The following SLC25A21 variants were observed in gnomAD, a reference collection of about 807,000 sequenced individuals.
The protein encoded by SLC25A21 is mitochondrial 2-oxodicarboxylate carrier.
In SLC25A21, 47 loss-of-function variants were observed where a neutral mutation model predicts 43.8. That is an observed-to-expected ratio of 1.07 (90% confidence interval 0.85 to 1.37). The LOEUF (loss-of-function observed/expected upper bound fraction) is 1.37, where lower values mean the gene tolerates loss of function less well. Among genes scored for constraint, SLC25A21 ranks in the 40% most tolerant of loss-of-function variants. The pLI, the probability that SLC25A21 is intolerant of heterozygous loss-of-function variation, is 0.00. For missense variants in SLC25A21, 352 were observed against 350.2 expected (o/e 1.00, Z -0.04); for synonymous variants, 131 against 121.3 (o/e 1.08, Z -0.52).
At chr14:36,803,139 G>A (rs1337300074) in intron 3 of SLC25A21, among the ~76,000 whole-genome samples, 1 of 152,146 alleles carries the variant, frequency 6.6e-6, no homozygotes, top group Non-Finnish European at 1.5e-5. Context: ...ACACTTGTCA[G>A]TATCTCAGAT....
intron 1 of SLC25A21, among the ~76,000 whole-genome samples, chr14:37,090,924 G>A (rs531317138): frequency 1.6e-4 from 25 of 152,280 alleles, no homozygotes; most frequent in Middle Eastern, 3.4e-3. Context: ...AGGGAAAATA[G>A]GAGTTAAGTT....
chr14:36,773,257 G>A (rs2138361420), intron 3 of SLC25A21, among the ~76,000 whole-genome samples: 1 of 152,216 alleles, frequency 6.6e-6, no homozygotes, highest in Middle Eastern at 3.4e-3. Flanking sequence ...CTTCTCAGCT[G>A]TGAGTGATGA....
At chr14:36,934,071 T>C (rs1196358743) in intron 1 of SLC25A21, among the ~76,000 whole-genome samples, 1 of 152,144 alleles carries the variant, frequency 6.6e-6, no homozygotes, top group Non-Finnish European at 1.5e-5. Context: ...GAAAAAAATA[T>C]CAAAATTTAA....
chr14:37,100,145 G>A (rs1037466017), intron 1 of SLC25A21, among the ~76,000 whole-genome samples: 6 of 151,856 alleles, frequency 4.0e-5, no homozygotes, highest in East Asian at 1.9e-4. Context: ...TGCAACCTTC[G>A]CCTCCCAGGT....
intron 1 of SLC25A21, among the ~76,000 whole-genome samples, chr14:36,902,802 G>T (rs902472408): frequency 1.3e-5 from 2 of 151,984 alleles, no homozygotes; most frequent in African/African-American, 4.8e-5. Context: ...TTCCAGACTA[G>T]CTTGGGCATC....
intron 1 of SLC25A21, among the ~76,000 whole-genome samples, chr14:37,083,887 TAA>T (rs1468733016): frequency 1.3e-5 from 2 of 152,342 alleles, no homozygotes; most frequent in Admixed American, 6.5e-5. Context: ...CTAATGGTGT[TAA>T]GTCAGATTAT....
intron 3 of SLC25A21, among the ~76,000 whole-genome samples, chr14:36,780,309 GT>G (rs879813753): frequency 6.6e-6 from 1 of 151,552 alleles, no homozygotes; most frequent in Non-Finnish European, 1.5e-5. Flanking sequence ...CTTTTCTATT[GT>G]TTTTTCATCT....
At chr14:36,998,447 G>A (rs926882054) in intron 1 of SLC25A21, among the ~76,000 whole-genome samples, 19 of 152,102 alleles carry the variant, frequency 1.2e-4, no homozygotes. Context: ...ATGACAAGAT[G>A]AATCTGGAAT....
chr14:37,092,678 G>T (rs1327559801), intron 1 of SLC25A21, among the ~76,000 whole-genome samples: 1 of 152,094 alleles, frequency 6.6e-6, no homozygotes, highest in Non-Finnish European at 1.5e-5. Context: ...TCAGGATGGT[G>T]CAGGCACTAT....
chr14:36,927,633 G>C (rs1009023579), intron 1 of SLC25A21, among the ~76,000 whole-genome samples: 2 of 152,104 alleles, frequency 1.3e-5, no homozygotes, highest in African/African-American at 4.8e-5. Flanking sequence ...ATCTCTATCT[G>C]GATGATCAGG....
intron 1 of SLC25A21, among the ~76,000 whole-genome samples, chr14:36,926,097 C>CATAG (rs1892124987): frequency 6.6e-6 from 1 of 152,020 alleles, no homozygotes. Context: ...CAAAATAGAA[C>CATAG]ATAGGCTGGA....
At chr14:37,047,510 C>T (rs7149154) in intron 1 of SLC25A21, among the ~76,000 whole-genome samples, 50,869 of 151,972 alleles carry the variant, frequency 0.33, 8,799 homozygotes, top group African/African-American at 0.39. Context: ...GAGGTTCTGC[C>T]CCTGCTCCCC....
At chr14:37,141,342 T>C (rs889403344) in intron 1 of SLC25A21, among the ~76,000 whole-genome samples, 2 of 152,126 alleles carry the variant, frequency 1.3e-5, no homozygotes. Flanking sequence ...TAAAGCATGT[T>C]TTTGTGTGTT....
chr14:36,907,439 T>C (rs1285963115), intron 1 of SLC25A21, among the ~76,000 whole-genome samples: 1 of 152,206 alleles, frequency 6.6e-6, no homozygotes, highest in Non-Finnish European at 1.5e-5. Flanking sequence ...GTATACATTG[T>C]GGATGCTTAT....
intron 2 of SLC25A21, among the ~76,000 whole-genome samples, chr14:36,845,329 A>T (rs984363458): frequency 6.6e-6 from 1 of 152,224 alleles, no homozygotes; most frequent in Non-Finnish European, 1.5e-5. Context: ...TCTGAAAAAA[A>T]GTATGTTCAG....
chr14:36,863,270 G>T (rs191137016), intron 2 of SLC25A21, among the ~76,000 whole-genome samples: 148 of 152,294 alleles, frequency 9.7e-4, no homozygotes, highest in African/African-American at 3.4e-3. Flanking sequence ...GCAGGGAAGA[G>T]AAGCAAGAAG....
chr14:37,061,409 C>A (rs17178484), intron 1 of SLC25A21, among the ~76,000 whole-genome samples: 7,528 of 152,242 alleles, frequency 0.049, 240 homozygotes, highest in African/African-American at 0.085. Context: ...TTCATGGCAA[C>A]AGAGGCCCCA....
chr14:36,724,342 C>G (rs953077420), intron 6 of SLC25A21, among the ~76,000 whole-genome samples: 1 of 152,200 alleles, frequency 6.6e-6, no homozygotes, highest in African/African-American at 2.4e-5. Context: ...TCCCCATACC[C>G]CTGCCTGAGA....
At chr14:37,056,349 G>A (rs2138805444) in intron 1 of SLC25A21, among the ~76,000 whole-genome samples, 1 of 152,052 alleles carries the variant, frequency 6.6e-6, no homozygotes, top group East Asian at 1.9e-4. Context: ...AATTAGCCAG[G>A]CGAGGTGGCG....
Sources: gnomAD v4.1 joint callset for allele counts (sites outside exome capture counted in the v4.1 genomes callset) on GRCh38, gnomAD v4.1.1 for gene constraint, MANE v1.5 for transcripts, NCBI Gene and HGNC (gene_info 2026-07-23, HGNC 2026-07-21) for gene names.